The following KCNC2 variants were observed in gnomAD, a reference collection of about 807,000 sequenced individuals.
The protein encoded by KCNC2 is voltage-gated potassium channel KCNC2.
KCNC2 carries 21 observed loss-of-function variants against 44.5 expected under a neutral mutation model. The ratio of observed to expected loss-of-function variants is 0.47; its 90% CI spans 0.33 to 0.68. The LOEUF (loss-of-function observed/expected upper bound fraction) is 0.68, where lower values mean the gene tolerates loss of function less well. Ranked by LOEUF, KCNC2 falls within the 30% of genes least tolerant of loss-of-function variation. The pLI is 0.01. For missense variants in KCNC2, 589 were observed against 826.2 expected, an observed-to-expected ratio of 0.71 and a Z score of 3.52; for synonymous variants, 391 against 339.1, an observed-to-expected ratio of 1.15 and a Z score of -1.68.
chr12:75,099,192 A>C (rs1217364794), intron 2 of KCNC2, among the ~76,000 whole-genome samples: 1 of 152,226 alleles, frequency 6.6e-6, no homozygotes, highest in Admixed American at 6.5e-5. Flanking sequence ...TAGCGTCTAA[A>C]GGGCTGGCAC....
chr12:75,053,991 G>A (rs1420741425), intron 2 of KCNC2, among the ~76,000 whole-genome samples: 4 of 151,704 alleles, frequency 2.6e-5, no homozygotes, highest in South Asian at 2.1e-4. Flanking sequence ...GGGAGGCTGA[G>A]GTGGATGGGT....
chr12:75,176,726 T>C (rs1043314598), intron 2 of KCNC2, among the ~76,000 whole-genome samples: 7 of 151,988 alleles, frequency 4.6e-5, no homozygotes, highest in Non-Finnish European at 1.0e-4. Flanking sequence ...TCTAATGATA[T>C]TGTAATTTAT....
At chr12:75,116,284 C>G (rs1168639846) in intron 2 of KCNC2, among the ~76,000 whole-genome samples, 1 of 152,046 alleles carries the variant, frequency 6.6e-6, no homozygotes, top group East Asian at 1.9e-4. Flanking sequence ...CAGCTGAACT[C>G]AGCTGGGAAA....
intron 2 of KCNC2, among the ~76,000 whole-genome samples, chr12:75,069,622 G>T (rs1466530431): frequency 6.6e-6 from 1 of 152,064 alleles, no homozygotes; most frequent in Non-Finnish European, 1.5e-5. Flanking sequence ...GCATAACTGA[G>T]CTCAATTAAC....
At chr12:75,167,394 T>C (rs185056207) in intron 2 of KCNC2, among the ~76,000 whole-genome samples, 5 of 151,328 alleles carry the variant, frequency 3.3e-5, no homozygotes, top group African/African-American at 4.8e-5. Context: ...TCTAGCATTT[T>C]TCTCAAAAAT....
intron 2 of KCNC2, among the ~76,000 whole-genome samples, chr12:75,064,147 G>C (rs1882599585): frequency 6.6e-6 from 1 of 151,852 alleles, no homozygotes; most frequent in African/African-American, 2.4e-5. Flanking sequence ...GTACTGAAAA[G>C]CAAAAGTTAA....
intron 2 of KCNC2, among the ~76,000 whole-genome samples, chr12:75,108,589 C>G (rs17114601): frequency 0.17 from 25,156 of 152,146 alleles, 2,175 homozygotes; most frequent in Middle Eastern, 0.24. Context: ...CATGAATAAG[C>G]CTTTAACTGC....
At chr12:75,142,892 C>T (rs761892971) in intron 2 of KCNC2, among the ~76,000 whole-genome samples, 2 of 152,196 alleles carry the variant, frequency 1.3e-5, no homozygotes, top group African/African-American at 2.4e-5. Flanking sequence ...CAAGGGAACA[C>T]AGACACCACC....
intron 2 of KCNC2, among the ~76,000 whole-genome samples, chr12:75,151,466 C>T (rs1890388377): frequency 6.6e-6 from 1 of 151,862 alleles, no homozygotes. Context: ...AACTTTAAAA[C>T]AGACTTCAAA....
intron 2 of KCNC2, among the ~76,000 whole-genome samples, chr12:75,149,504 G>C (rs1035961952): frequency 4.6e-5 from 7 of 151,712 alleles, no homozygotes; most frequent in Non-Finnish European, 1.0e-4. Context: ...GTAGAAAATG[G>C]TTTTCTTGCC....
At chr12:75,095,470 C>A (rs1361056834) in intron 2 of KCNC2, among the ~76,000 whole-genome samples, 2 of 151,930 alleles carry the variant, frequency 1.3e-5, no homozygotes, top group East Asian at 3.9e-4. Flanking sequence ...TTCTTACGCT[C>A]CTCCAACCTT....
intron 2 of KCNC2, among the ~76,000 whole-genome samples, chr12:75,111,705 G>A (rs918373756): frequency 6.6e-6 from 1 of 151,950 alleles, no homozygotes; most frequent in African/African-American, 2.4e-5. Context: ...AAAATGTAAT[G>A]TCTGAAACTA....
rs747330804 is a variant in KCNC2, at chr12:75,043,103, G to A, written c.*2C>T. ...CCGACTGATGCAGTTTGGTTGTTTGGTTTACAAGATAGATGGGATGGGAGA... is the reference window on the plus strand; with the variant it reads ...CCGACTGATGCAGTTTGGTTGTTTGATTTACAAGATAGATGGGATGGGAGA... On this transcript the variant is annotated 3_prime_UTR_variant, in exon 5 of 5. Coordinates refer to ENST00000549446, the MANE Select transcript of KCNC2 (RefSeq NM_139137.4). 14 of 1,611,596 alleles carry A rather than the reference G, an allele frequency of 8.7e-6. No individual in the cohort carries two copies. The Admixed American group carries it at 2.3e-4, about 27-fold the overall frequency.
At position 75,159,376 on chromosome 12, in the gene KCNC2, A is replaced by G. The variant is rs559271863; in HGVS notation, c.687+47921T>C. Among the ~76,000 whole-genome samples the G allele has an allele frequency of 7.9e-5, 12 of 152,010 alleles. 1 individual carries two copies. The highest frequency in any genetic ancestry group is 2.9e-4 in the African/African-American group (12 of 41,522). On this transcript the variant is annotated intron_variant, in intron 2 of 4. Coordinates refer to ENST00000549446, the MANE Select transcript of KCNC2 (RefSeq NM_139137.4). Reference sequence around the variant, plus strand: ...TTCAGTTTTTGCTGCTCCCCCAATAAAAGTTCCTTAAGTTAAGATAAAACT... The same window carrying G: ...TTCAGTTTTTGCTGCTCCCCCAATAGAAGTTCCTTAAGTTAAGATAAAACT...
chr12:75,069,563 A>G (rs535529425), intron 2 of KCNC2, among the ~76,000 whole-genome samples: 1 of 152,278 alleles, frequency 6.6e-6, no homozygotes, highest in Admixed American at 6.5e-5. Flanking sequence ...ATTTCAGTAG[A>G]CAAATTTTGG....
chr12:75,165,708 A>C (rs1418418665), intron 2 of KCNC2, among the ~76,000 whole-genome samples: 1 of 151,528 alleles, frequency 6.6e-6, no homozygotes, highest in Non-Finnish European at 1.5e-5. Context: ...TGAAATTTCT[A>C]ATTGTAGATT....
chr12:75,055,839 T>C (rs1881686511), intron 2 of KCNC2, among the ~76,000 whole-genome samples: 1 of 152,088 alleles, frequency 6.6e-6, no homozygotes, highest in Admixed American at 6.6e-5. Context: ...AGCAAATTTT[T>C]AGGTATGTAT....
At position 75,040,492 on chromosome 12, in the gene KCNC2, T is replaced by C. The variant is rs1191423446; in HGVS notation, c.*2613A>G. On this transcript the variant is annotated 3_prime_UTR_variant, in exon 5 of 5. Coordinates refer to ENST00000549446, the MANE Select transcript of KCNC2 (RefSeq NM_139137.4). The stretch of plus-strand genomic sequence containing the variant: ...GCTCCTTGATCATTGAATAAAAAAA[T>C]ACTCTCATTGCCAGAATTATGTTTT... 1 of 152,666 alleles carries C rather than the reference T, an allele frequency of 6.6e-6. No homozygotes were observed. The highest frequency in any genetic ancestry group is 2.4e-5 in the African/African-American group (1 of 41,438). The allele number at this position is 152,666 out of a possible 1,614,324, so 9.5% of individuals were successfully genotyped here.
chr12:75,109,061 G>C (rs543040926), intron 2 of KCNC2, among the ~76,000 whole-genome samples: 37 of 152,210 alleles, frequency 2.4e-4, no homozygotes, highest in Admixed American at 6.5e-4. Context: ...TGCAACAGTG[G>C]GCAGGCTGCT....
Sources: allele counts gnomAD v4.1 joint callset (sites outside exome capture counted in the v4.1 genomes callset), GRCh38; gene constraint gnomAD v4.1.1; transcripts MANE v1.5; gene names NCBI Gene and HGNC (gene_info 2026-07-23, HGNC 2026-07-21).